The following CEP44 variants were observed in gnomAD, a reference collection of about 807,000 sequenced individuals.
CEP44 encodes centrosomal protein 44, also known as centrosomal protein of 44 kDa.
In CEP44, 45 loss-of-function variants were observed where a neutral mutation model predicts 46.7. The observed-to-expected ratio is 0.96, with a 90% CI of 0.76 to 1.24. The LOEUF (loss-of-function observed/expected upper bound fraction) is 1.24, where lower values mean the gene tolerates loss of function less well. Among genes scored for constraint, CEP44 ranks in the 50% most tolerant of loss-of-function variants. The pLI is 0.00. For missense variants in CEP44, 475 were observed against 459.7 expected, an observed-to-expected ratio of 1.03 and a Z score of -0.30; for synonymous variants, 142 against 146.0, an observed-to-expected ratio of 0.97 and a Z score of 0.20.
chr4:174,291,008 C>T (rs1380197345), intron 1 of CEP44, among the ~76,000 whole-genome samples: 1 of 152,182 alleles, frequency 6.6e-6, no homozygotes, highest in African/African-American at 2.4e-5. Flanking sequence ...CTTTCTCAAT[C>T]CCTTCACTTT....
intron 1 of CEP44, among the ~76,000 whole-genome samples, chr4:174,289,784 T>C (rs987174386): frequency 2.0e-5 from 3 of 152,086 alleles, no homozygotes; most frequent in Non-Finnish European, 4.4e-5. Context: ...TTGGATTTAG[T>C]TTGTTCTTTT....
intron 8 of CEP44, among the ~76,000 whole-genome samples, chr4:174,327,186 T>A (rs1742725248): frequency 7.2e-6 from 1 of 139,248 alleles, no homozygotes; most frequent in East Asian, 2.0e-4. Context: ...TATATATATA[T>A]TTAGAGAGAG....
chr4:174,290,782 C>T lies in CEP44; in HGVS notation c.-148+6839C>T, dbSNP rs185487051. Among the ~76,000 whole-genome samples the T allele has an allele frequency of 7.6e-3, 1,155 of 152,294 alleles. 8 individuals are homozygous for T. The highest frequency in any genetic ancestry group is 0.013 in the Non-Finnish European group (898 of 68,018). ...TTCTATATTGTATCGATATCTATTT[C>T]TTCCTTCAAATCTGTCAATGTTCAC... On this transcript the variant is annotated intron_variant, in intron 1 of 11. Transcript: ENST00000503780. This position sits in a 1 kb window ranked among gnomAD's most constrained non-coding sequence, Gnocchi z 4.3.
Position 174,319,513 on chromosome 4 carries a change from T to C in CEP44, c.*2130T>C. On this transcript the variant is annotated 3_prime_UTR_variant, in exon 12 of 12. Coordinates refer to ENST00000503780, the MANE Select transcript of CEP44 (RefSeq NM_001040157.3). ...TATGGAAGATAGAAAAAAAGTTAAG[T>C]CTCTTTCTACCCTTTCTTTTTTTCT... 1.1e-6 allele frequency: 1 copy of C among 899,962 alleles called. No homozygotes were observed. The highest frequency in any genetic ancestry group is 1.3e-6 in the Non-Finnish European group (1 of 752,208). The allele number at this position is 899,962 out of a possible 1,614,324, so 55.7% of individuals were successfully genotyped here.
chr4:174,296,442 A>G (rs1739023048), intron 1 of CEP44, among the ~76,000 whole-genome samples: 1 of 152,130 alleles, frequency 6.6e-6, no homozygotes, highest in African/African-American at 2.4e-5. Flanking sequence ...TATAATTTCT[A>G]TTCCACTTTT....
Position 174,319,651 on chromosome 4 carries a change from CAT to C in CEP44, c.*2273_*2274del, listed in dbSNP as rs998201789. 60 of 668,390 alleles carry C rather than the reference CAT, an allele frequency of 9.0e-5. No homozygotes were observed. Among genetic ancestry groups the C allele is most frequent in the Non-Finnish European group, 1.1e-4 (58 of 540,456 alleles). The allele number at this position is 668,390 out of a possible 1,614,324, so 41.4% of individuals were successfully genotyped here. Reference sequence around the variant, plus strand: ...TATATATTGAAAATATAAAATATTTCATATATGTTATCAGGTGGAAATTTAGA... The same window carrying C: ...TATATATTGAAAATATAAAATATTTCATATGTTATCAGGTGGAAATTTAGA... On this transcript the variant is annotated 3_prime_UTR_variant, in exon 12 of 12. Coordinates refer to ENST00000503780, the MANE Select transcript of CEP44 (RefSeq NM_001040157.3).
In CEP44 at chr4:174,301,959, A is replaced by T. The variant is rs2126587722; in HGVS notation, c.90-80A>T. 1 of 1,224,982 alleles carries T rather than the reference A, an allele frequency of 8.2e-7. No individual in the cohort carries two copies. Among genetic ancestry groups the T allele is most frequent in the East Asian group, 2.6e-5 (1 of 39,094 alleles). 75.9% of individuals were successfully genotyped at this position (1,224,982 alleles called of 1,614,324 possible). ...TTTTAAATTATTATAAACATTTCTA[A>T]TATTTTCTTGATTATCCAACTTTGT... On this transcript the variant is annotated intron_variant, in intron 3 of 11. Transcript: ENST00000503780. This position sits in a 1 kb window ranked among gnomAD's most constrained non-coding sequence, Gnocchi z 4.3.
At position 174,319,537 on chromosome 4, in the gene CEP44, C is replaced by A; in HGVS notation, c.*2154C>A. On this transcript the variant is annotated 3_prime_UTR_variant, in exon 12 of 12. Coordinates refer to ENST00000503780, the MANE Select transcript of CEP44 (RefSeq NM_001040157.3). ...GTCTCTTTCTACCCTTTCTTTTTTT[C>A]TTTATATAGTGCAGATATACACACA... is the stretch of plus-strand genomic sequence containing the variant. 2 of 850,910 alleles carry A rather than the reference C, an allele frequency of 2.4e-6. No individual in the cohort carries two copies. The highest frequency in any genetic ancestry group is 2.8e-6 in the Non-Finnish European group (2 of 707,770). 52.7% of individuals were successfully genotyped at this position (850,910 alleles called of 1,614,324 possible). A position where few individuals can be genotyped will look rare whatever the true frequency, so the allele number is the denominator to read the frequency against.
At chr4:174,298,353 T>C (rs1274098366) in intron 2 of CEP44, among the ~76,000 whole-genome samples, 2 of 151,496 alleles carry the variant, frequency 1.3e-5, no homozygotes, top group Non-Finnish European at 2.9e-5. Flanking sequence ...TTTTTTGTAT[T>C]TTTAGTAGAG....
In CEP44 at chr4:174,329,248, C is replaced by G. The variant is rs1392158673; in HGVS notation, c.1087-2234C>G. 6.6e-6 allele frequency among the ~76,000 whole-genome samples: 1 copy of G among 151,954 alleles called. No homozygotes were observed. Among genetic ancestry groups the G allele is most frequent in the Non-Finnish European group, 1.5e-5 (1 of 67,996 alleles). On this transcript the variant is annotated intron_variant, in intron 8 of 8. Transcript: ENST00000426172. This position sits in a 1 kb window ranked among gnomAD's most constrained non-coding sequence, Gnocchi z 4.0. ...TTACAGGTATGAGCCACCAAGCTGG[C>G]CCTATACTTTTCCATTTTATTAGGA...
chr4:174,324,031 G>T (rs188463169), downstream of CEP44, among the ~76,000 whole-genome samples: 1 of 152,312 alleles, frequency 6.6e-6, no homozygotes, highest in East Asian at 1.9e-4. Context: ...AACAAGGCAA[G>T]TTAAGTTTGA....
chr4:174,317,254 A>C, intron 11 of CEP44, 81 bp from the exon 12 acceptor site: 1 of 562,676 alleles, frequency 1.8e-6, no homozygotes, highest in Non-Finnish European at 2.8e-6. Context: ...TTTAGGCTAA[A>C]AAGCATAATT....
chr4:174,331,430 G>T lies in CEP44; in HGVS notation c.1087-52G>T, dbSNP rs962466181. ...GCTCTAATTCCTATCTACCCATTCT[G>T]CCAATGCATTTAGATCATATTTTAA... On this transcript the variant is annotated intron_variant, in intron 8 of 8. Coordinates refer to the CEP44 transcript ENST00000426172. The surrounding 1 kb of genome is among the most constrained non-coding windows in gnomAD (Gnocchi z 4.5). The T allele has an allele frequency of 1.7e-5, 26 of 1,537,202 alleles. No individual in the cohort carries two copies. Among genetic ancestry groups the T allele is most frequent in the Non-Finnish European group, 2.3e-5 (26 of 1,138,620 alleles).
chr4:174,302,896 T>C (rs922051413), intron 4 of CEP44, among the ~76,000 whole-genome samples: 2 of 151,672 alleles, frequency 1.3e-5, no homozygotes, highest in Admixed American at 6.6e-5. Flanking sequence ...TTCCCCTGCC[T>C]CAACCTCCTG....
chr4:174,289,019 A>G (rs1051344103), intron 1 of CEP44, among the ~76,000 whole-genome samples: 2 of 152,194 alleles, frequency 1.3e-5, no homozygotes, highest in Non-Finnish European at 2.9e-5. Flanking sequence ...GCAGATGCCC[A>G]TGTGAGTTTT....
chr4:174,316,235 A>T lies in CEP44; in HGVS notation c.1031A>T (p.Asp344Val). ...TCTGGCTATAGTACAGCATCATCAG[A>T]TTCAACTCCCAGAGCCTCTACTGTT... The part of the protein sequence containing the change: ...LSSGYSTASS[D>V]STPRASTVNY... Residue 344 changes from aspartate to valine, a missense_variant, in exon 10 of 12, where the codon GAT becomes GTT. Asp to Val is a radical substitution (Grantham distance 152). Coordinates refer to ENST00000503780, the MANE Select transcript of CEP44 (RefSeq NM_001040157.3). The T allele has an allele frequency of 3.1e-6, 5 of 1,613,228 alleles. No homozygotes were observed. Among genetic ancestry groups the T allele is most frequent in the Non-Finnish European group, 4.2e-6 (5 of 1,179,196 alleles).
chr4:174,298,216 C>T, intron 2 of CEP44, among the ~76,000 whole-genome samples, 154 bp downstream of exon 2: 1 of 132,730 alleles, frequency 7.5e-6, no homozygotes, highest in African/African-American at 2.9e-5. Flanking sequence ...CGCTCTGTCG[C>T]CCAGGCTGGA....
chr4:174,310,995 A>C lies in CEP44; in HGVS notation c.961+137A>C. Reference sequence around the variant, plus strand: ...AACAAAGAACATAATGAACCTACAGACTACTAAAGCCAAGAATTGCTTAAC... The same window carrying C: ...AACAAAGAACATAATGAACCTACAGCCTACTAAAGCCAAGAATTGCTTAAC... On this transcript the variant is annotated intron_variant, in intron 9 of 11. Transcript: ENST00000503780. This position sits in a 1 kb window ranked among gnomAD's most constrained non-coding sequence, Gnocchi z 4.2. The C allele has an allele frequency of 2.0e-6, 1 of 496,350 alleles. No individual in the cohort carries two copies. Among genetic ancestry groups the C allele is most frequent in the East Asian group, 3.2e-5 (1 of 31,444 alleles). The allele number at this position is 496,350 out of a possible 1,614,324, so 30.7% of individuals were successfully genotyped here.
At position 174,297,232 on chromosome 4, in the gene CEP44, AT is replaced by A. The variant is rs781489005; in HGVS notation, c.-147-725del. Among the ~76,000 whole-genome samples the A allele has an allele frequency of 2.5e-4, 38 of 150,758 alleles. No individual in the cohort carries two copies. Among genetic ancestry groups the A allele is most frequent in the African/African-American group, 7.1e-4 (29 of 41,084 alleles). On this transcript the variant is annotated intron_variant, in intron 1 of 11. Transcript: ENST00000503780. This position sits in a 1 kb window ranked among gnomAD's most constrained non-coding sequence, Gnocchi z 4.3. Reference sequence around the variant, plus strand: ...CCTTCTATTCTTGTTTTAGGTTTTAATTTTTTTTTCTAATCTCATTGAGAAT... The same window carrying A: ...CCTTCTATTCTTGTTTTAGGTTTTAATTTTTTTTCTAATCTCATTGAGAAT...
Sources: allele counts gnomAD v4.1 joint callset (sites outside exome capture counted in the v4.1 genomes callset), GRCh38; gene constraint gnomAD v4.1.1; non-coding constraint Gnocchi (gnomAD v3.1); transcripts MANE v1.5; gene names NCBI Gene and HGNC (gene_info 2026-07-23, HGNC 2026-07-21).